The following CYP4B1 variants were observed in gnomAD, a reference collection of about 807,000 sequenced individuals.
The protein encoded by CYP4B1 is cytochrome P450 family 4 subfamily B member 1, also known as cytochrome P450 4B1.
In CYP4B1, 45 loss-of-function variants were observed where a neutral mutation model predicts 54.0. The observed-to-expected ratio is 0.83, with a 90% CI of 0.66 to 1.07. CYP4B1 has a LOEUF of 1.07. CYP4B1 is among the 50% of genes least tolerant of loss of function. The probability of loss-of-function intolerance (pLI) is 0.00; values close to 1 mark genes in which losing one functional copy is unlikely to be tolerated. For synonymous variants in CYP4B1, 248 were observed against 247.5 expected (o/e 1.00, Z -0.02); for missense variants, 656 against 655.4 (o/e 1.00, Z -0.01).
chr1:46,815,231 G>T lies in CYP4B1; in HGVS notation c.1040G>T (p.Arg347Leu). ...CAGCATCGTTGTAGAGAGGAGGTCC[G>T]CGAGATCCTAGGGGACCAGGACTTC... Reference protein sequence around the residue: ...EHQHRCREEVREILGDQDFFQ... With the variant: ...EHQHRCREEVLEILGDQDFFQ... Residue 347 changes from arginine (R) to leucine (L), a missense_variant, in exon 8 of 12, where the codon CGC becomes CTC. Physicochemically the swap from Arg to Leu is moderately radical, Grantham distance 102. Transcript: ENST00000371923. 1 of 1,584,936 alleles carries T rather than the reference G, an allele frequency of 6.3e-7. No individual in the cohort carries two copies. The highest frequency in any genetic ancestry group is 1.2e-5 in the South Asian group (1 of 86,676).
At chr1:46,813,269 G>T (rs1679185083) in intron 4 of CYP4B1, among the ~76,000 whole-genome samples, 2 of 152,344 alleles carry the variant, frequency 1.3e-5, no homozygotes, top group South Asian at 2.1e-4. Context: ...TCCTGGTCCT[G>T]CCCTCTGAGC....
At position 46,817,090 on chromosome 1, in the gene CYP4B1, G is replaced by A. The variant is rs1416935843; in HGVS notation, c.1116G>A (p.Lys372=). 4 of 1,614,190 alleles carry A rather than the reference G, an allele frequency of 2.5e-6. No individual in the cohort carries two copies. The South Asian group carries it at 4.4e-5, about 18-fold the overall frequency. Residue 372 remains lysine, a synonymous_variant, in exon 9 of 12, where the codon AAG becomes AAA. Transcript: ENST00000371923. Reference sequence around the variant, plus strand: ...TGACTTATCTGACCATGTGCATCAAGGAGAGCTTCCGCCTCTACCCACCTG... The same window carrying A: ...TGACTTATCTGACCATGTGCATCAAAGAGAGCTTCCGCCTCTACCCACCTG... ...GKMTYLTMCI[K]ESFRLYPPVP...
rs1314028681 is a variant in CYP4B1 at position 46,815,084 on chromosome 1, ACAT to A, written c.896_898del (p.Ile299del). 6.2e-7 allele frequency: 1 copy of A among 1,614,042 alleles called. No individual in the cohort carries two copies. Among genetic ancestry groups the A allele is most frequent in the East Asian group, 2.2e-5 (1 of 44,888 alleles). The stretch of plus-strand genomic sequence containing the variant: ...CCTTCCCTAACCCAGGATGAAGATG[ACAT>A]CAAACTGTCAGATGCAGACCTCCGG... On this transcript the variant is annotated inframe_deletion, in exon 8 of 12. Transcript: ENST00000371923.
At chr1:46,811,332 C>A (rs45580838) in intron 3 of CYP4B1, 148 bp downstream of exon 3, 16,364 of 811,964 alleles carry the variant, frequency 0.02, 402 homozygotes, top group South Asian at 0.073. Flanking sequence ...AGTGGAGAGA[C>A]AAGGGAGGAG....
At chr1:46,818,074 G>T (rs1679408960) in intron 10 of CYP4B1, 45 bp downstream of exon 10, 1 of 1,612,138 alleles carries the variant, frequency 6.2e-7, no homozygotes, top group African/African-American at 1.3e-5. Context: ...TGGGGGACTG[G>T]GAGGGTCACC....
rs2148413258 is a variant in CYP4B1 at position 46,817,984 on chromosome 1, T to C, written c.1227T>C (p.His409=). Residue 409 remains histidine, a synonymous_variant, in exon 10 of 12, where the codon CAT becomes CAC. Coordinates refer to ENST00000371923, the MANE Select transcript of CYP4B1 (RefSeq NM_001099772.2). ...CCACAGGAAGCCTGATCTCTATGCA[T>C]ATCTATGCCCTCCATAGGAACAGTG... The part of the protein sequence containing the change: ...SLPAGSLISM[H]IYALHRNSAV... The C allele has an allele frequency of 6.2e-7, 1 of 1,614,152 alleles. No individual in the cohort carries two copies. Among genetic ancestry groups the C allele is most frequent in the Non-Finnish European group, 8.5e-7 (1 of 1,180,004 alleles).
intron 8 of CYP4B1, among the ~76,000 whole-genome samples, chr1:46,815,688 C>T (rs1359319475): frequency 6.6e-6 from 1 of 152,178 alleles, no homozygotes; most frequent in Non-Finnish European, 1.5e-5. Flanking sequence ...ACTCAGCTTC[C>T]AGATGCCATA....
intron 11 of CYP4B1, 97 bp from the exon 12 acceptor site, chr1:46,818,534 A>C: frequency 7.7e-7 from 1 of 1,290,388 alleles, no homozygotes. Flanking sequence ...TTATTCATCC[A>C]AAAACAGTTA....
At chr1:46,801,175 T>A (rs1044888172) in intron 1 of CYP4B1, among the ~76,000 whole-genome samples, 1 of 151,958 alleles carries the variant, frequency 6.6e-6, no homozygotes, top group East Asian at 1.9e-4. Context: ...GGAGAAAGCA[T>A]GAGGGAGAAG....
At position 46,812,509 on chromosome 1, in the gene CYP4B1, G is replaced by C. The variant is rs372658454; in HGVS notation, c.381G>C (p.Leu127=). The C allele has an allele frequency of 6.8e-6, 11 of 1,613,350 alleles. No homozygotes were observed. In the Admixed American group the frequency reaches 1.0e-4, roughly 15 times the overall value. The change falls in exon 4 of 12, where the codon CTG becomes CTC. Residue 127 remains leucine, a synonymous_variant. Coordinates refer to ENST00000371923, the MANE Select transcript of CYP4B1 (RefSeq NM_001099772.2). ...FFLQWIGRGL[L]VLEGPKWLQH... is the part of the protein sequence containing the mutation. ...TCCCTTCCCCAGGGAGAGGCCTGCT[G>C]GTTCTTGAGGGGCCCAAGTGGTTGC... is the stretch of plus-strand genomic sequence containing the variant.
At chr1:46,812,726 G>C (rs1679162767) in intron 4 of CYP4B1, 103 bp downstream of exon 4, 1 of 1,316,984 alleles carries the variant, frequency 7.6e-7, no homozygotes, top group South Asian at 1.4e-5. Context: ...CTGCAGTAAG[G>C]AGAATAGCTG....
At chr1:46,812,053 G>A (rs1263998741) in intron 3 of CYP4B1, 1 of 415,658 alleles carries the variant, frequency 2.4e-6, no homozygotes, top group Non-Finnish European at 4.8e-6. Flanking sequence ...GGGTAGGAAG[G>A]GTCCCACCTG....
At position 46,799,132 on chromosome 1, in the gene CYP4B1, T is replaced by C. The variant is rs1220570865; in HGVS notation, c.51T>C (p.Ala17=). 1.2e-6 allele frequency: 2 copies of C among 1,614,050 alleles called. No individual in the cohort carries two copies. Among genetic ancestry groups the C allele is most frequent in the South Asian group, 1.1e-5 (1 of 91,014 alleles). The part of the protein sequence containing the change: ...SLSFSSLGLW[A]SGLILVLGFL... ...GCTTCTCCTCCTTGGGCCTGTGGGCTTCTGGGCTGATCTTGGTCTTAGGCT... is the reference window on the plus strand; with the variant it reads ...GCTTCTCCTCCTTGGGCCTGTGGGCCTCTGGGCTGATCTTGGTCTTAGGCT... The change falls in exon 1 of 12, where the codon GCT becomes GCC. Residue 17 remains alanine (A), a synonymous_variant. Coordinates refer to ENST00000371923, the MANE Select transcript of CYP4B1 (RefSeq NM_001099772.2).
Position 46,810,863 on chromosome 1 carries a change from A to T in CYP4B1, c.236A>T (p.Tyr79Phe). 1 of 1,614,088 alleles carries T rather than the reference A, an allele frequency of 6.2e-7. No individual in the cohort carries two copies. The highest frequency in any genetic ancestry group is 8.5e-7 in the Non-Finnish European group (1 of 1,179,994). Residue 79 changes from tyrosine (Y) to phenylalanine (F), a missense_variant, in exon 2 of 12, where the codon TAT becomes TTT. By Grantham distance (22) the Tyr-to-Phe change is conservative. Transcript: ENST00000371923. ...KVVSWAHQFP[Y>F]AHPLWFGQFI... Reference sequence around the variant, plus strand: ...GTGTCCTGGGCCCACCAGTTCCCGTATGCCCACCCACTCTGGTTCGGACAG... The same window carrying T: ...GTGTCCTGGGCCCACCAGTTCCCGTTTGCCCACCCACTCTGGTTCGGACAG...
chr1:46,799,207 T>C lies in CYP4B1; in HGVS notation c.126T>C (p.Ala42=), dbSNP rs781117115. The C allele has an allele frequency of 1.9e-6, 3 of 1,607,940 alleles. No individual in the cohort carries two copies. The South Asian group carries it at 3.3e-5, about 18-fold the overall frequency. ...LLLRRQTLAK[A]MDKFPGPPTH... Reference sequence around the variant, plus strand: ...TGCGGAGGCAGACGTTGGCTAAGGCTATGGACAAATTCCCAGGGCCTCCCA... The same window carrying C: ...TGCGGAGGCAGACGTTGGCTAAGGCCATGGACAAATTCCCAGGGCCTCCCA... The change falls in exon 1 of 12, where the codon GCT becomes GCC. Residue 42 remains alanine (A), a synonymous_variant. Transcript: ENST00000371923.
chr1:46,818,179 C>A lies in CYP4B1; in HGVS notation c.1321C>A (p.Pro441Thr), dbSNP rs751909883. Residue 441 changes from proline (P) to threonine (T), a missense_variant, in exon 11 of 12, where the codon CCC becomes ACC. Physicochemically the swap from Pro to Thr is conservative, Grantham distance 38 (BLOSUM62 -1). Coordinates refer to ENST00000371923, the MANE Select transcript of CYP4B1 (RefSeq NM_001099772.2). ...CACTGAGAATGCATCCAAACGCCAT[C>A]CCTTTGCCTTTATGCCCTTCTCTGC... ...FSTENASKRH[P>T]FAFMPFSAGP... 5 of 1,614,144 alleles carry A rather than the reference C, an allele frequency of 3.1e-6. No individual in the cohort carries two copies. The Admixed American group carries it at 8.3e-5, about 27-fold the overall frequency.
chr1:46,816,544 C>T (rs1039635564), intron 8 of CYP4B1, among the ~76,000 whole-genome samples: 13 of 147,838 alleles, frequency 8.8e-5, no homozygotes, highest in African/African-American at 3.2e-4. Flanking sequence ...TTGGATGTCA[C>T]ATTTGGGCCT....
intron 5 of CYP4B1, 51 bp from the exon 6 acceptor site, chr1:46,813,858 C>T (rs1206180607): frequency 9.4e-6 from 15 of 1,597,450 alleles, no homozygotes; most frequent in East Asian, 2.2e-5. Context: ...TTCTCTGGCT[C>T]TGCTCCTGGG....
At chr1:46,799,482 C>T (rs1015949568) in intron 1 of CYP4B1, among the ~76,000 whole-genome samples, 5 of 152,164 alleles carry the variant, frequency 3.3e-5, no homozygotes, top group Admixed American at 1.3e-4. Context: ...CAAGTCAGGG[C>T]TCAAGCATGG....
Sources: allele counts gnomAD v4.1 joint callset (sites outside exome capture counted in the v4.1 genomes callset), GRCh38; gene constraint gnomAD v4.1.1; transcripts MANE v1.5; gene names NCBI Gene and HGNC (gene_info 2026-07-23, HGNC 2026-07-21).